The following FUT8 variants were observed in gnomAD, a reference collection of about 807,000 sequenced individuals.
The protein encoded by FUT8 is alpha-(1,6)-fucosyltransferase.
In FUT8, 29 loss-of-function variants were observed where a neutral mutation model predicts 71.3. The ratio of observed to expected loss-of-function variants is 0.41; its 90% confidence interval spans 0.30 to 0.55. The LOEUF (loss-of-function observed/expected upper bound fraction) is 0.55, where lower values mean the gene tolerates loss of function less well. Among genes scored for constraint, FUT8 ranks in the 20% least tolerant of loss-of-function variants. FUT8 has a pLI of 0.34. For missense variants in FUT8, 544 were observed against 702.1 expected (o/e 0.77, Z 2.55); for synonymous variants, 254 against 239.3 (o/e 1.06, Z -0.57).
chr14:65,729,887 C>A (rs927182213), intron 9 of FUT8, among the ~76,000 whole-genome samples: 2 of 151,924 alleles, frequency 1.3e-5, no homozygotes, highest in African/African-American at 2.4e-5. Context: ...ATAGTAGTAG[C>A]CTTTTATGCA....
intron 1 of FUT8, among the ~76,000 whole-genome samples, chr14:65,423,266 T>TC (rs1457280076): frequency 6.8e-6 from 1 of 147,324 alleles, no homozygotes; most frequent in Middle Eastern, 3.5e-3. Context: ...TTTCTTTCTT[T>TC]TTTTTTTTTT....
chr14:65,726,909 G>C (rs914816622), intron 9 of FUT8, among the ~76,000 whole-genome samples: 5 of 152,152 alleles, frequency 3.3e-5, no homozygotes, highest in Non-Finnish European at 7.3e-5. Flanking sequence ...TTACAAATGA[G>C]AGAAATTGGC....
intron 6 of FUT8, among the ~76,000 whole-genome samples, chr14:65,663,951 T>C (rs934647952): frequency 3.3e-5 from 5 of 152,092 alleles, no homozygotes; most frequent in African/African-American, 1.2e-4. Context: ...ATTATGTTCC[T>C]TCACTCTTTT....
chr14:65,476,637 A>ATTTTTTTTTTT (rs200882761), intron 2 of FUT8, among the ~76,000 whole-genome samples: 1 of 125,146 alleles, frequency 8.0e-6, no homozygotes, highest in African/African-American at 3.1e-5. Flanking sequence ...AAAGAAGTAG[A>ATTTTTTTTTTT]TTTTTTTTTT....
intron 6 of FUT8, among the ~76,000 whole-genome samples, chr14:65,655,329 T>G (rs1039393227): frequency 6.6e-6 from 1 of 151,268 alleles, no homozygotes; most frequent in Non-Finnish European, 1.5e-5. Flanking sequence ...AAAACAAAAT[T>G]AGCTGGCATG....
rs900629689 is a variant in FUT8, at chr14:65,606,441, A to T, written c.204-9537A>T. Reference sequence around the variant, plus strand: ...CTTTCTTTTTATGGTTTGGGCTTTTAAAAAAAAATCTTATTTAAGAAATTC... The same window carrying T: ...CTTTCTTTTTATGGTTTGGGCTTTTTAAAAAAAATCTTATTTAAGAAATTC... On this transcript the variant is annotated intron_variant, in intron 3 of 10. Transcript: ENST00000673929. 5.3e-5 allele frequency among the ~76,000 whole-genome samples: 8 copies of T among 151,298 alleles called. No individual in the cohort carries two copies. The South Asian group carries it at 1.0e-3, about 20-fold the overall frequency.
Position 65,574,297 on chromosome 14 carries a change from A to G in FUT8, c.203+12531A>G, listed in dbSNP as rs1886641109. 6.6e-6 allele frequency among the ~76,000 whole-genome samples: 1 copy of G among 152,180 alleles called. No homozygotes were observed. The highest frequency in any genetic ancestry group is 1.5e-5 in the Non-Finnish European group (1 of 68,038). ...AACACAGTCATGGAAGATACATTCC[A>G]TCATCTTTGCAATATTCTATTGATT... On this transcript the variant is annotated intron_variant, in intron 3 of 10. Transcript: ENST00000673929. This position sits in a 1 kb window ranked among gnomAD's most constrained non-coding sequence, Gnocchi z 5.2.
chr14:65,365,454 G>T, the FUT8 span, among the ~76,000 whole-genome samples: 1 of 152,010 alleles, frequency 6.6e-6, no homozygotes, highest in Non-Finnish European at 1.5e-5. Context: ...GGTAAAATGA[G>T]GCTGAGACCT....
chr14:65,523,940 T>A (rs1241782301), intron 2 of FUT8, among the ~76,000 whole-genome samples: 1 of 152,222 alleles, frequency 6.6e-6, no homozygotes, highest in African/African-American at 2.4e-5. Flanking sequence ...ATATCTCTGT[T>A]TTGGTACCAG....
intron 1 of FUT8, among the ~76,000 whole-genome samples, chr14:65,453,254 G>C (rs1566756917): frequency 6.6e-6 from 1 of 151,726 alleles, no homozygotes; most frequent in Non-Finnish European, 1.5e-5. Flanking sequence ...TCCTCCTGTT[G>C]CAACTTCTTG....
Position 65,472,967 on chromosome 14 carries a change from T to G in FUT8, c.-228+17249T>G, listed in dbSNP as rs536764763. On this transcript the variant is annotated intron_variant, in intron 2 of 10. Coordinates refer to ENST00000673929, the MANE Select transcript of FUT8 (RefSeq NM_001371533.1). The surrounding 1 kb of genome is among the most constrained non-coding windows in gnomAD (Gnocchi z 4.4). ...ATTGAAAAGATCACATTATAGATAA[T>G]TTAGACAACTTATTTATAACTTTTA... is the stretch of plus-strand genomic sequence containing the variant. Among the ~76,000 whole-genome samples the G allele has an allele frequency of 3.9e-5, 6 of 152,220 alleles. No homozygotes were observed. In the South Asian group the frequency reaches 6.2e-4, roughly 16 times the overall value.
Position 65,669,308 on chromosome 14 carries a change from C to G in FUT8, c.663C>G (p.Gly221=). The G allele has an allele frequency of 6.2e-7, 1 of 1,613,906 alleles. No homozygotes were observed. Among genetic ancestry groups the G allele is most frequent in the East Asian group, 2.2e-5 (1 of 44,886 alleles). The change falls in exon 7 of 11, where the codon GGC becomes GGG. Residue 221 remains glycine (G), a synonymous_variant. Transcript: ENST00000673929. The surrounding 1 kb of genome is among the most constrained non-coding windows in gnomAD (Gnocchi z 4.5). ...ATATCAACAAAGGCTGTGGCTATGGCTGTCAGCTCCATCATGTGGTCTACT... is the reference window on the plus strand; with the variant it reads ...ATATCAACAAAGGCTGTGGCTATGGGTGTCAGCTCCATCATGTGGTCTACT... ...VCNINKGCGY[G]CQLHHVVYCF...
At chr14:65,723,189 G>A (rs896356217) in intron 8 of FUT8, among the ~76,000 whole-genome samples, 9 of 151,654 alleles carry the variant, frequency 5.9e-5, no homozygotes, top group African/African-American at 1.5e-4. Flanking sequence ...GCCAGGCTTG[G>A]TGACACATGC....
the FUT8 span, among the ~76,000 whole-genome samples, chr14:65,392,928 C>T: frequency 6.6e-6 from 1 of 152,142 alleles, no homozygotes; most frequent in African/African-American, 2.4e-5. Context: ...CCAGGCGATA[C>T]CTGGGGCGTA....
chr14:65,476,727 G>A (rs2066251590), intron 2 of FUT8, among the ~76,000 whole-genome samples: 1 of 142,794 alleles, frequency 7.0e-6, no homozygotes, highest in Non-Finnish European at 1.5e-5. Context: ...CGCTATCATA[G>A]CTCACTGCAA....
chr14:65,369,970 T>C, the FUT8 span, among the ~76,000 whole-genome samples: 1 of 152,274 alleles, frequency 6.6e-6, no homozygotes, highest in East Asian at 1.9e-4. The surrounding 1 kb of genome is among the most constrained non-coding windows in gnomAD (Gnocchi z 4.6). Context: ...AACCCTCTCT[T>C]TGGGTCTGAA....
intron 7 of FUT8, among the ~76,000 whole-genome samples, chr14:65,688,609 C>G (rs1893420779): frequency 6.8e-6 from 1 of 147,466 alleles, no homozygotes; most frequent in Non-Finnish European, 1.5e-5. Context: ...CAATATGGAT[C>G]ATAGATGACA....
At chr14:65,611,526 T>A (rs2140206538) in intron 3 of FUT8, among the ~76,000 whole-genome samples, 1 of 152,222 alleles carries the variant, frequency 6.6e-6, no homozygotes, top group South Asian at 2.1e-4. Context: ...CATTTGCTCT[T>A]TTTTTCTTAG....
At chr14:65,601,717 G>A (rs1888295839) in intron 3 of FUT8, among the ~76,000 whole-genome samples, 1 of 152,082 alleles carries the variant, frequency 6.6e-6, no homozygotes, top group African/African-American at 2.4e-5. Context: ...TTCTAATAGT[G>A]TATTACTATA....
Sources: gnomAD v4.1 joint callset for allele counts (sites outside exome capture counted in the v4.1 genomes callset) on GRCh38, gnomAD v4.1.1 for gene constraint, Gnocchi (gnomAD v3.1) non-coding constraint, MANE v1.5 for transcripts, NCBI Gene and HGNC (gene_info 2026-07-23, HGNC 2026-07-21) for gene names.